HSPBP1: variants seen among roughly 807,000 people sequenced by gnomAD.
HSPBP1 encodes hsp70-binding protein 1.
Under a neutral mutation model 41.7 loss-of-function variants are expected in HSPBP1, and 31 were observed. The ratio of observed to expected loss-of-function variants is 0.74; its 90% CI spans 0.56 to 1.00. The LOEUF is 1.00. Ranked by LOEUF, HSPBP1 falls within the 50% of genes least tolerant of loss-of-function variation. The probability of loss-of-function intolerance (pLI) is 0.00; values close to 1 mark genes in which losing one functional copy is unlikely to be tolerated. For synonymous variants in HSPBP1, 199 were observed against 214.4 expected (o/e 0.93, Z 0.63); for missense variants, 439 against 487.9 (o/e 0.90, Z 0.94).
At chr19:55,265,823 AC>A in intron 6 of HSPBP1, 62 bp downstream of exon 6, 4 of 1,108,886 alleles carry the variant, frequency 3.6e-6, no homozygotes, top group Non-Finnish European at 5.2e-6. Context: ...TTCCTGAGCC[AC>A]CCCCACCTTG....
chr19:55,274,372 G>A, intron 4 of HSPBP1, 26 bp downstream of exon 4: 1 of 204,294 alleles, frequency 4.9e-6, no homozygotes, highest in Non-Finnish European at 6.8e-6. Context: ...CAGCACCCCT[G>A]TCCCCAGCCC....
chr19:55,279,442 C>A lies in HSPBP1; in HGVS notation c.167G>T (p.Gly56Val), dbSNP rs757685454. The change falls in exon 2 of 8, where the codon GGC becomes GTC. Residue 56 changes from glycine to valine, a missense_variant. By Grantham distance (109) the Gly-to-Val change is moderately radical. Transcript: ENST00000433386. ...TGGAGGAGGGTCTGGCTCTTCAGAG[C>A]CCGCGGTGATGGCCATCTGCAGCAA... ...QGLLQMAITA[G>V]SEEPDPPPEP... The A allele has an allele frequency of 6.2e-7, 1 of 1,604,632 alleles. No individual in the cohort carries two copies. The highest frequency in any genetic ancestry group is 8.5e-7 in the Non-Finnish European group (1 of 1,177,990).
chr19:55,263,977 T>TC (rs2087709950), intron 7 of HSPBP1, among the ~76,000 whole-genome samples: 1 of 151,020 alleles, frequency 6.6e-6, no homozygotes, highest in African/African-American at 2.4e-5. Flanking sequence ...CTTTTTTTTT[T>TC]TTTTTTTTTG....
intron 6 of HSPBP1, 54 bp downstream of exon 6, chr19:55,265,832 T>C (rs149637131): frequency 1.6e-6 from 2 of 1,264,422 alleles, no homozygotes; most frequent in East Asian, 2.5e-5. Context: ...CACCCCCACC[T>C]TGAGAGGACG....
At chr19:55,275,617 A>C (rs1403326152) in intron 3 of HSPBP1, among the ~76,000 whole-genome samples, 2 of 151,784 alleles carry the variant, frequency 1.3e-5, no homozygotes, top group South Asian at 2.1e-4. Context: ...TAACATAGCA[A>C]AACAGGGTTT....
intron 7 of HSPBP1, among the ~76,000 whole-genome samples, chr19:55,264,466 G>A (rs1424728522): frequency 1.3e-5 from 2 of 152,120 alleles, no homozygotes; most frequent in Non-Finnish European, 2.9e-5. Context: ...TTGTGATTTA[G>A]CATTTGTTAC....
intron 4 of HSPBP1, among the ~76,000 whole-genome samples, chr19:55,269,468 C>T (rs548046295): frequency 1.2e-4 from 18 of 152,186 alleles, no homozygotes; most frequent in African/African-American, 2.6e-4. Context: ...GTATGGCTGC[C>T]GTCATTTTTG....
chr19:55,274,525 C>A lies in HSPBP1; in HGVS notation c.513G>T (p.Thr171=). Reference sequence around the variant, plus strand: ...GGATGGCTGCCACGTTCTGACTGCACGTGCCGATGAGCTGTGCCGCCCGCC... The same window carrying A: ...GGATGGCTGCCACGTTCTGACTGCAAGTGCCGATGAGCTGTGCCGCCCGCC... The part of the protein sequence containing the change: ...LRWRAAQLIG[T]CSQNVAAIQE... The change falls in exon 4 of 8, where the codon ACG becomes ACT. Residue 171 remains threonine (T), a synonymous_variant. Coordinates refer to ENST00000433386, the MANE Select transcript of HSPBP1 (RefSeq NM_012267.5). The A allele has an allele frequency of 6.2e-7, 1 of 1,607,374 alleles. No individual in the cohort carries two copies. The highest frequency in any genetic ancestry group is 8.5e-7 in the Non-Finnish European group (1 of 1,178,896).
rs1047836387 is a variant in HSPBP1 at position 55,270,009 on chromosome 19, G to C, written c.641-3723C>G. Among the ~76,000 whole-genome samples the C allele has an allele frequency of 1.3e-5, 2 of 152,086 alleles. No individual in the cohort carries two copies. Among genetic ancestry groups the C allele is most frequent in the African/African-American group, 4.8e-5 (2 of 41,410 alleles). ...GGAAGGGCAGTGGCACCACCGCCTC[G>C]GGCAGCAGGAGCTGAGGGGACGTAC... On this transcript the variant is annotated intron_variant, in intron 4 of 7. Coordinates refer to ENST00000433386, the MANE Select transcript of HSPBP1 (RefSeq NM_012267.5). The surrounding 1 kb of genome is among the most constrained non-coding windows in gnomAD (Gnocchi z 5.4).
At chr19:55,275,949 GA>G (rs775780681) in intron 3 of HSPBP1, among the ~76,000 whole-genome samples, 13,817 of 110,402 alleles carry the variant, frequency 0.13, 722 homozygotes, top group African/African-American at 0.18. Flanking sequence ...CTCTGTCTCA[GA>G]AAAAAAAAAA....
chr19:55,279,754 A>C, intron 1 of HSPBP1, 52 bp from the exon 2 acceptor site: 1 of 1,529,328 alleles, frequency 6.5e-7, no homozygotes, highest in East Asian at 2.5e-5. Context: ...CATGACCCCA[A>C]ACCACTCTGC....
chr19:55,275,949 G>GA lies in HSPBP1; in HGVS notation c.416-1328dup, dbSNP rs775780681. On this transcript the variant is annotated intron_variant, in intron 3 of 7. Transcript: ENST00000433386. ...GGCAACAGGGTGAGACTCTGTCTCA[G>GA]AAAAAAAAAAAAAAAAAATTTGCCA... Among the ~76,000 whole-genome samples, 526 of 110,450 alleles carry GA rather than the reference G, an allele frequency of 4.8e-3. 2 individuals are homozygous for GA. Among genetic ancestry groups the GA allele is most frequent in the African/African-American group, 0.01 (299 of 29,714 alleles). The allele number at this position is 110,450 out of a possible 152,430, so 72.5% of individuals were successfully genotyped here. A position where few individuals can be genotyped will look rare whatever the true frequency, so the allele number is the denominator to read the frequency against.
At position 55,279,411 on chromosome 19, in the gene HSPBP1, C is replaced by T; in HGVS notation, c.198G>A (p.Pro66=). The T allele has an allele frequency of 3.1e-6, 5 of 1,592,666 alleles. No homozygotes were observed. The highest frequency in any genetic ancestry group is 1.1e-5 in the South Asian group (1 of 87,662). The change falls in exon 2 of 8, where the codon CCG becomes CCA. Residue 66 remains proline, a synonymous_variant. Transcript: ENST00000433386. ...CCCCATCCTTTACCTCCTCACTCAT[C>T]GGTTCTGGAGGAGGGTCTGGCTCTT... ...GSEEPDPPPE[P]MSEERRQWLQ...
chr19:55,267,237 C>T (rs949653823), intron 4 of HSPBP1, among the ~76,000 whole-genome samples: 4 of 152,060 alleles, frequency 2.6e-5, no homozygotes, highest in Admixed American at 2.0e-4. Flanking sequence ...CTGTAACCTC[C>T]GCTCGCAGGT....
At position 55,266,148 on chromosome 19, in the gene HSPBP1, C is replaced by A; in HGVS notation, c.779G>T (p.Gly260Val). The A allele has an allele frequency of 1.9e-6, 3 of 1,600,416 alleles. No homozygotes were observed. Among genetic ancestry groups the A allele is most frequent in the Non-Finnish European group, 2.6e-6 (3 of 1,173,830 alleles). ...SAFLLQNLLVGHPEHKGTLCS... is the reference protein window; with the variant it reads ...SAFLLQNLLVVHPEHKGTLCS... ...TGCCACACCTTTGTGTTCAGGGTGGCCCACCAGCAGGTTCTGCAGCAGGAA... is the reference window on the plus strand; with the variant it reads ...TGCCACACCTTTGTGTTCAGGGTGGACCACCAGCAGGTTCTGCAGCAGGAA... The change falls in exon 5 of 8, where the codon GGC (glycine) becomes GTC (valine). Residue 260 changes from glycine (G) to valine (V), a missense_variant. Gly to Val is a moderately radical substitution (Grantham distance 109). Coordinates refer to ENST00000433386, the MANE Select transcript of HSPBP1 (RefSeq NM_012267.5).
intron 6 of HSPBP1, among the ~76,000 whole-genome samples, chr19:55,265,666 G>A (rs1271029880): frequency 2.0e-5 from 3 of 152,052 alleles, no homozygotes; most frequent in Non-Finnish European, 2.9e-5. Context: ...TGGTGGGGGC[G>A]TGTACAGAAG....
At chr19:55,263,724 A>G (rs1173280287) in intron 7 of HSPBP1, among the ~76,000 whole-genome samples, 1 of 152,186 alleles carries the variant, frequency 6.6e-6, no homozygotes, top group Non-Finnish European at 1.5e-5. Context: ...ATAGAGAAAA[A>G]GGAGAATTCA....
At chr19:55,271,469 C>T (rs2087922367) in intron 4 of HSPBP1, among the ~76,000 whole-genome samples, 1 of 152,204 alleles carries the variant, frequency 6.6e-6, no homozygotes. Flanking sequence ...CTTCTCTCTG[C>T]CCTTTGTGGC....
intron 6 of HSPBP1, 63 bp downstream of exon 6, chr19:55,265,823 A>T: frequency 9.0e-7 from 1 of 1,108,902 alleles, no homozygotes. Context: ...TTCCTGAGCC[A>T]CCCCCACCTT....
Sources: allele counts gnomAD v4.1 joint callset (sites outside exome capture counted in the v4.1 genomes callset), GRCh38; gene constraint gnomAD v4.1.1; non-coding constraint Gnocchi (gnomAD v3.1); transcripts MANE v1.5; gene names NCBI Gene and HGNC (gene_info 2026-07-23, HGNC 2026-07-21).